The following NSD1 variants were observed in gnomAD, a reference collection of about 807,000 sequenced individuals.
NSD1 encodes the protein nuclear receptor binding SET domain protein 1.
A neutral mutation model predicts 242.7 loss-of-function variants in NSD1; 26 were observed. The ratio of observed to expected loss-of-function variants is 0.11; its 90% CI spans 0.08 to 0.15. The LOEUF (loss-of-function observed/expected upper bound fraction) is 0.15, where lower values mean the gene tolerates loss of function less well. NSD1 is among the 10% of genes least tolerant of loss of function. The probability of loss-of-function intolerance (pLI) is 1.00; values close to 1 mark genes in which losing one functional copy is unlikely to be tolerated. For synonymous variants in NSD1, 1,106 were observed against 1,178.1 expected, an observed-to-expected ratio of 0.94 and a Z score of 1.25; for missense variants, 2,495 against 3,272.8, an observed-to-expected ratio of 0.76 and a Z score of 5.80.
intron 14 of NSD1, chr5:177,266,720 C>A: frequency 3.7e-6 from 1 of 270,420 alleles, no homozygotes; most frequent in East Asian, 7.2e-5. Context: ...GCTTTACTCC[C>A]CACTTCAGGG....
At chr5:177,153,171 T>C (rs1042541801) in intron 2 of NSD1, among the ~76,000 whole-genome samples, 1 of 151,806 alleles carries the variant, frequency 6.6e-6, no homozygotes, top group Non-Finnish European at 1.5e-5. Context: ...AGATACCTTA[T>C]CAATTTCATA....
chr5:177,230,824 C>A (rs750644651), intron 5 of NSD1, among the ~76,000 whole-genome samples: 11 of 148,790 alleles, frequency 7.4e-5, no homozygotes, highest in Non-Finnish European at 1.6e-4. Context: ...GAGACTCCGA[C>A]TCAAAAAAAA....
At chr5:177,252,526 A>G (rs1005546876) in intron 12 of NSD1, among the ~76,000 whole-genome samples, 1 of 148,000 alleles carries the variant, frequency 6.8e-6, no homozygotes, top group Non-Finnish European at 1.5e-5. Flanking sequence ...AAGCTGCGCT[A>G]AAGTAAAGTG....
At chr5:177,265,289 G>T in intron 14 of NSD1, 1 of 650,362 alleles carries the variant, frequency 1.5e-6, no homozygotes, top group South Asian at 1.7e-5. Context: ...AAAAAAAAAA[G>T]CAAAAGTCAG....
Position 177,295,864 on chromosome 5 carries a change from G to A in NSD1, c.*405G>A, listed in dbSNP as rs1447410845. ...CCATTGAGGGCACCTAGGAACCCTT[G>A]GGAGGAAATGGTGTTCTTTCAAATC... On this transcript the variant is annotated 3_prime_UTR_variant, in exon 23 of 23. Transcript: ENST00000439151. This position sits in a 1 kb window ranked among gnomAD's most constrained non-coding sequence, Gnocchi z 4.3. 7.7e-6 allele frequency: 3 copies of A among 389,316 alleles called. No individual in the cohort carries two copies. The Admixed American group carries it at 1.2e-4, about 15-fold the overall frequency. The allele number at this position is 389,316 out of a possible 1,614,324, so 24.1% of individuals were successfully genotyped here. A position where few individuals can be genotyped will look rare whatever the true frequency, so the allele number is the denominator to read the frequency against.
intron 19 of NSD1, among the ~76,000 whole-genome samples, chr5:177,283,118 T>C (rs1289536400): frequency 6.6e-6 from 1 of 152,186 alleles, no homozygotes; most frequent in African/African-American, 2.4e-5. Flanking sequence ...CACGCCCGGC[T>C]AATTTTTGTA....
Position 177,218,912 on chromosome 5 carries a change from G to A in NSD1, c.3796+6717G>A, listed in dbSNP as rs1042889354. 2.6e-5 allele frequency among the ~76,000 whole-genome samples: 4 copies of A among 151,410 alleles called. No homozygotes were observed. The East Asian group carries it at 7.8e-4, about 30-fold the overall frequency. On this transcript the variant is annotated intron_variant, in intron 5 of 22. Coordinates refer to ENST00000439151, the MANE Select transcript of NSD1 (RefSeq NM_022455.5). ...CAGCTGGCCCTAACGGGAGCCGTAT[G>A]TTTCTTTTAATGTGCTATTTAATTT...
In NSD1 at chr5:177,239,792, A is replaced by G; in HGVS notation, c.4229A>G (p.Lys1410Arg). ...AGTAAACGTCAAAGAAAACCAACTAAGAAACTTCTTGAATCCAATGATTTA... is the reference window on the plus strand; with the variant it reads ...AGTAAACGTCAAAGAAAACCAACTAGGAAACTTCTTGAATCCAATGATTTA... ...YESKRQRKPT[K>R]KLLESNDLDP... Residue 1410 changes from lysine to arginine, a missense_variant, in exon 8 of 23, where the codon AAG becomes AGG. This residue lies in a region of NSD1 where 100 missense variants were observed against 190.7 expected (regional missense o/e 0.52). Transcript: ENST00000439151. 6.2e-7 allele frequency: 1 copy of G among 1,613,132 alleles called. No homozygotes were observed. The highest frequency in any genetic ancestry group is 2.2e-5 in the East Asian group (1 of 44,822).
intron 2 of NSD1, among the ~76,000 whole-genome samples, chr5:177,159,046 T>TGA (rs1758505339): frequency 6.9e-6 from 1 of 145,384 alleles, no homozygotes. Context: ...TATATATATA[T>TGA]ATGAATGAAT....
In NSD1 at chr5:177,298,988, T is replaced by C. The variant is rs1282649211; in HGVS notation, c.*3529T>C. 2.1e-5 allele frequency: 5 copies of C among 233,026 alleles called. No homozygotes were observed. Among genetic ancestry groups the C allele is most frequent in the Admixed American group, 1.7e-4 (3 of 17,782 alleles). The allele number at this position is 233,026 out of a possible 1,614,324, so 14.4% of individuals were successfully genotyped here. ...CAGAGAAGGAGCTGCCTCCAGCCCCTTTCTTGCTGAGTTTCATTTGAGCAG... is the reference window on the plus strand; with the variant it reads ...CAGAGAAGGAGCTGCCTCCAGCCCCCTTCTTGCTGAGTTTCATTTGAGCAG... On this transcript the variant is annotated 3_prime_UTR_variant, in exon 23 of 23. Coordinates refer to ENST00000439151, the MANE Select transcript of NSD1 (RefSeq NM_022455.5).
chr5:177,245,972 TTA>T (rs1491507725), intron 9 of NSD1, among the ~76,000 whole-genome samples: 21 of 37,230 alleles, frequency 5.6e-4, no homozygotes, highest in African/African-American at 1.7e-3. Flanking sequence ...TTTTTTTTAT[TTA>T]TTTTTTTTTT....
intron 5 of NSD1, among the ~76,000 whole-genome samples, chr5:177,216,808 C>T (rs1364431601): frequency 6.6e-6 from 1 of 151,824 alleles, no homozygotes; most frequent in East Asian, 1.9e-4. Flanking sequence ...AGGTGTGAGC[C>T]ACCACCCTGG....
chr5:177,257,395 T>C (rs577251353), intron 13 of NSD1, among the ~76,000 whole-genome samples: 2 of 152,142 alleles, frequency 1.3e-5, no homozygotes, highest in East Asian at 1.9e-4. Flanking sequence ...CATGCCTGGC[T>C]AATTTTTTTG....
chr5:177,265,806 G>A lies in NSD1; in HGVS notation c.5147-1756G>A, dbSNP rs1757385913. ...AAGCCGGTCCCTCCGGTCCTCTTGT[G>A]GCAGTGCGTAAACTCGATGTTGAAG... On this transcript the variant is annotated intron_variant, in intron 14 of 22. Coordinates refer to ENST00000439151, the MANE Select transcript of NSD1 (RefSeq NM_022455.5). The A allele has an allele frequency of 1.1e-5, 15 of 1,391,628 alleles. No homozygotes were observed. The East Asian group carries it at 3.4e-4, about 32-fold the overall frequency. 86.2% of individuals were successfully genotyped at this position (1,391,628 alleles called of 1,614,324 possible). A position where few individuals can be genotyped will look rare whatever the true frequency, so the allele number is the denominator to read the frequency against.
At chr5:177,141,214 G>T (rs1160480806) in intron 2 of NSD1, among the ~76,000 whole-genome samples, 9 of 150,838 alleles carry the variant, frequency 6.0e-5, no homozygotes, top group Non-Finnish European at 1.3e-4. Context: ...TAGAGACGGG[G>T]TTTCACCATC....
At chr5:177,291,741 T>C (rs1759847342) in intron 21 of NSD1, among the ~76,000 whole-genome samples, 1 of 152,140 alleles carries the variant, frequency 6.6e-6, no homozygotes, top group Non-Finnish European at 1.5e-5. Flanking sequence ...ACACAAAGAT[T>C]TTTGTCTTCT....
intron 5 of NSD1, among the ~76,000 whole-genome samples, chr5:177,220,598 C>T (rs1156993508): frequency 9.0e-6 from 1 of 111,142 alleles, no homozygotes; most frequent in African/African-American, 3.6e-5. Flanking sequence ...GAAACAGAGG[C>T]TTGCTCTGTC....
In NSD1 at chr5:177,212,019, G is replaced by C; in HGVS notation, c.3620G>C (p.Arg1207Thr). ...QEGRDEFPEH[R>T]TPSASILEEP... ...GGGCGGGATGAGTTTCCAGAGCATA[G>C]AACTCCTTCAGCAAGCATACTTGAG... The change falls in exon 5 of 23, where the codon AGA becomes ACA. Residue 1207 changes from arginine (R) to threonine (T), a missense_variant. Arg to Thr is a moderately conservative substitution (Grantham distance 71). Coordinates refer to ENST00000439151, the MANE Select transcript of NSD1 (RefSeq NM_022455.5). 6.2e-7 allele frequency: 1 copy of C among 1,614,066 alleles called. No individual in the cohort carries two copies. The highest frequency in any genetic ancestry group is 1.1e-5 in the South Asian group (1 of 91,070).
intron 2 of NSD1, chr5:177,136,248 A>C (rs1327650286): frequency 3.9e-6 from 2 of 512,472 alleles, no homozygotes; most frequent in South Asian, 2.2e-5. Context: ...ATAACTCTTC[A>C]TTGAGAGTAG....
Sources: gnomAD v4.1 joint callset for allele counts (sites outside exome capture counted in the v4.1 genomes callset) on GRCh38, gnomAD v4.1.1 for gene constraint, gnomAD v4.1.1 regional missense constraint, Gnocchi (gnomAD v3.1) non-coding constraint, MANE v1.5 for transcripts, NCBI Gene and HGNC (gene_info 2026-07-23, HGNC 2026-07-21) for gene names.